MACROD2: variants seen among roughly 807,000 people sequenced by gnomAD.
MACROD2 encodes mono-ADP ribosylhydrolase 2.
In MACROD2, 36 loss-of-function variants were observed where a neutral mutation model predicts 70.4. The observed-to-expected ratio is 0.51, with a 90% confidence interval of 0.39 to 0.68. The LOEUF (loss-of-function observed/expected upper bound fraction) is 0.68. Ranked by LOEUF, MACROD2 falls within the 30% of genes least tolerant of loss-of-function variation. MACROD2 has a pLI of 0.00. For synonymous variants in MACROD2, 172 were observed against 178.8 expected (o/e 0.96, Z 0.30); for missense variants, 496 against 538.4 (o/e 0.92, Z 0.78).
chr20:14,131,912 A>C (rs546163817), intron 3 of MACROD2, among the ~76,000 whole-genome samples: 104 of 152,064 alleles, frequency 6.8e-4, no homozygotes, highest in African/African-American at 2.3e-3. Flanking sequence ...CAGGTGGATC[A>C]TGAGGTCAGG....
At chr20:14,599,846 CAG>C (rs960452521) in intron 4 of MACROD2, among the ~76,000 whole-genome samples, 15 of 152,048 alleles carry the variant, frequency 9.9e-5, no homozygotes, top group African/African-American at 3.6e-4. Flanking sequence ...GGGAGGCGGA[CAG>C]GGGAGGATTT....
chr20:15,670,329 A>T (rs961160309), intron 8 of MACROD2, among the ~76,000 whole-genome samples: 3 of 152,186 alleles, frequency 2.0e-5, no homozygotes, highest in African/African-American at 4.8e-5. Flanking sequence ...TGGTGTTGTC[A>T]AACAGAGGCA....
At chr20:14,023,488 G>A (rs2053116387) in intron 2 of MACROD2, among the ~76,000 whole-genome samples, 1 of 152,134 alleles carries the variant, frequency 6.6e-6, no homozygotes, top group South Asian at 2.1e-4. Context: ...CCTATGTCCT[G>A]AATGGTATTC....
intron 5 of MACROD2, among the ~76,000 whole-genome samples, chr20:14,823,268 A>G (rs138474210): frequency 5.8e-4 from 89 of 152,272 alleles, no homozygotes; most frequent in African/African-American, 2.0e-3. Flanking sequence ...AAAATTTTAA[A>G]CTGAGACTAC....
chr20:14,661,292 C>T (rs991113428), intron 4 of MACROD2, among the ~76,000 whole-genome samples: 1 of 152,036 alleles, frequency 6.6e-6, no homozygotes, highest in Non-Finnish European at 1.5e-5. Context: ...TTGCATCTCT[C>T]GACATTTAGT....
chr20:14,690,880 C>T (rs543834274), intron 5 of MACROD2, among the ~76,000 whole-genome samples: 1 of 152,146 alleles, frequency 6.6e-6, no homozygotes, highest in Non-Finnish European at 1.5e-5. Flanking sequence ...AAAAAGTTTG[C>T]CAGCCCCTGG....
chr20:14,313,316 A>G (rs6135114), intron 3 of MACROD2, among the ~76,000 whole-genome samples: 22,656 of 152,170 alleles, frequency 0.15, 2,240 homozygotes, highest in South Asian at 0.34. Context: ...TTGAACATTA[A>G]ATATTCCACA....
At chr20:16,008,158 A>G (rs1158575482) in intron 15 of MACROD2, among the ~76,000 whole-genome samples, 1 of 152,216 alleles carries the variant, frequency 6.6e-6, no homozygotes, top group African/African-American at 2.4e-5. Flanking sequence ...ACTGAAATGA[A>G]CCTGGCCTGT....
chr20:14,932,628 C>A (rs1232623184), intron 5 of MACROD2, among the ~76,000 whole-genome samples: 1 of 152,146 alleles, frequency 6.6e-6, no homozygotes, highest in Non-Finnish European at 1.5e-5. Flanking sequence ...TGCAGTCACA[C>A]AATCTCAGCT....
intron 6 of MACROD2, among the ~76,000 whole-genome samples, chr20:15,234,629 A>G (rs111738730): frequency 2.4e-4 from 36 of 152,332 alleles, no homozygotes; most frequent in African/African-American, 8.4e-4. Context: ...GTTGATTTCT[A>G]GAACAACAGT....
chr20:14,715,540 G>A (rs1354931695), intron 5 of MACROD2, among the ~76,000 whole-genome samples: 1 of 152,130 alleles, frequency 6.6e-6, no homozygotes, highest in African/African-American at 2.4e-5. Flanking sequence ...TCTTTAGCAG[G>A]CCTCTTGTGC....
intron 8 of MACROD2, among the ~76,000 whole-genome samples, chr20:15,845,820 C>T (rs78479175): frequency 1.6e-3 from 237 of 152,244 alleles, no homozygotes; most frequent in African/African-American, 5.6e-3. Context: ...CTATTATTAG[C>T]CCTATTTAAC....
intron 7 of MACROD2, among the ~76,000 whole-genome samples, chr20:15,472,384 C>T (rs2046973037): frequency 6.6e-6 from 1 of 152,152 alleles, no homozygotes; most frequent in South Asian, 2.1e-4. Flanking sequence ...TACTTAACTG[C>T]AGGCTTAGAA....
At chr20:15,502,851 C>CAG (rs2047381562) in intron 8 of MACROD2, among the ~76,000 whole-genome samples, 1 of 152,128 alleles carries the variant, frequency 6.6e-6, no homozygotes, top group Admixed American at 6.6e-5. Flanking sequence ...CTTGAGTCAG[C>CAG]AGAGGGAACT....
At chr20:14,219,002 C>T (rs538510328) in intron 3 of MACROD2, among the ~76,000 whole-genome samples, 9 of 152,256 alleles carry the variant, frequency 5.9e-5, no homozygotes, top group Non-Finnish European at 1.0e-4. Flanking sequence ...AACCTGATGA[C>T]GAAGTGCCTA....
chr20:14,696,897 T>C (rs932992421), intron 5 of MACROD2, among the ~76,000 whole-genome samples: 2 of 152,186 alleles, frequency 1.3e-5, no homozygotes, highest in East Asian at 3.8e-4. Flanking sequence ...TTGAGTTTGT[T>C]CTTGCTTTTA....
chr20:15,050,282 T>C (rs555377258), intron 5 of MACROD2, among the ~76,000 whole-genome samples: 78 of 152,268 alleles, frequency 5.1e-4, no homozygotes, highest in Non-Finnish European at 7.6e-4. Context: ...TGGTACTGAC[T>C]AAAAAGCACT....
intron 5 of MACROD2, among the ~76,000 whole-genome samples, chr20:14,886,166 A>C (rs2073672691): frequency 6.6e-6 from 1 of 152,190 alleles, no homozygotes; most frequent in African/African-American, 2.4e-5. Context: ...CCCACTGGGC[A>C]GGTGTCATAA....
intron 8 of MACROD2, among the ~76,000 whole-genome samples, chr20:15,849,466 G>A (rs143133008): frequency 6.6e-6 from 1 of 152,242 alleles, no homozygotes; most frequent in African/African-American, 2.4e-5. Flanking sequence ...TTATGCAGTG[G>A]GCCCCGTTCC....
Sources: gnomAD v4.1 joint callset for allele counts (sites outside exome capture counted in the v4.1 genomes callset) on GRCh38, gnomAD v4.1.1 for gene constraint, MANE v1.5 for transcripts, NCBI Gene and HGNC (gene_info 2026-07-23, HGNC 2026-07-21) for gene names.